The following BOD1L1 variants were observed in gnomAD, a reference collection of about 807,000 sequenced individuals.
The protein encoded by BOD1L1 is biorientation of chromosomes in cell division protein 1-like 1.
BOD1L1 carries 86 observed loss-of-function variants against 240.7 expected under a neutral mutation model. That is an observed-to-expected ratio of 0.36 (90% confidence interval 0.30 to 0.43). The LOEUF (loss-of-function observed/expected upper bound fraction) is 0.43. Among genes scored for constraint, BOD1L1 ranks in the 20% least tolerant of loss-of-function variants. The probability of loss-of-function intolerance (pLI) is 1.00; values close to 1 mark genes in which losing one functional copy is unlikely to be tolerated. For missense variants in BOD1L1, 3,554 were observed against 3,643.5 expected (o/e 0.98, Z 0.63); for synonymous variants, 1,268 against 1,272.3 (o/e 1.00, Z 0.07).
At position 13,599,819 on chromosome 4, in the gene BOD1L1, C is replaced by CGTG; in HGVS notation, c.7080_7081insCAC (p.Asn2360_Gly2361insHis). ...CTCACTTCTGTGGCTGACAGGTCAC[C>CGTG]GTTCCCTTCTGGGTTGTCTGCAGTC... On this transcript the variant is annotated inframe_insertion, in exon 10 of 26. Transcript: ENST00000040738. The CGTG allele has an allele frequency of 6.2e-7, 1 of 1,613,968 alleles. No individual in the cohort carries two copies. Among genetic ancestry groups the CGTG allele is most frequent in the Non-Finnish European group, 8.5e-7 (1 of 1,179,882 alleles).
At chr4:13,598,052 C>T in intron 10 of BOD1L1, among the ~76,000 whole-genome samples, 1 of 152,206 alleles carries the variant, frequency 6.6e-6, no homozygotes, top group South Asian at 2.1e-4. Flanking sequence ...GTTCCTACAG[C>T]ATCCTGTGCT....
Position 13,582,227 on chromosome 4 carries a change from C to A in BOD1L1, c.8592+10G>T, listed in dbSNP as rs1296061440. ...ATTGTGAACAAACAAATACGAAAAG[C>A]ACATCTCACCTCCTGAGATTTTATG... On this transcript the variant is annotated intron_variant, in intron 19 of 25. Transcript: ENST00000040738. The A allele has an allele frequency of 2.5e-6, 4 of 1,603,812 alleles. No homozygotes were observed. The highest frequency in any genetic ancestry group is 1.7e-4 in the Middle Eastern group (1 of 6,024).
At chr4:13,617,555 T>C (rs1716711035) in intron 2 of BOD1L1, among the ~76,000 whole-genome samples, 1 of 152,222 alleles carries the variant, frequency 6.6e-6, no homozygotes, top group Non-Finnish European at 1.5e-5. Context: ...TTTTTCTGGT[T>C]AAAGTTACTT....
Position 13,599,199 on chromosome 4 carries a change from G to T in BOD1L1, c.7701C>A (p.Thr2567=). ...QGSEDNLKTS[T]TKCITGQESK... ...ATTCTTGGCCAGTAATACATTTGGT[G>T]GTACTGGTTTTCAAGTTGTCTTCAG... The change falls in exon 10 of 26, where the codon ACC becomes ACA. Residue 2567 remains threonine, a synonymous_variant. Coordinates refer to ENST00000040738, the MANE Select transcript of BOD1L1 (RefSeq NM_148894.3). 1.9e-6 allele frequency: 3 copies of T among 1,613,928 alleles called. No homozygotes were observed. The highest frequency in any genetic ancestry group is 1.6e-4 in the Middle Eastern group (1 of 6,062).
intron 8 of BOD1L1, among the ~76,000 whole-genome samples, chr4:13,607,707 TAA>T (rs1715825522): frequency 6.6e-6 from 1 of 152,178 alleles, no homozygotes; most frequent in Non-Finnish European, 1.5e-5. Context: ...AACATAGCAT[TAA>T]CTGTTCTTGG....
intron 9 of BOD1L1, among the ~76,000 whole-genome samples, chr4:13,606,615 A>G (rs1052704912): frequency 6.6e-6 from 1 of 152,212 alleles, no homozygotes; most frequent in African/African-American, 2.4e-5. Flanking sequence ...GGACATGCTT[A>G]AATAAATTAT....
rs1391126839 is a variant in BOD1L1 at position 13,599,746 on chromosome 4, C to T, written c.7154G>A (p.Arg2385Gln). ...MPSLIAENNC[R>Q]CPGPVRGGKE... Reference sequence around the variant, plus strand: ...GCCTCCCCTGACTGGCCCAGGACACCGACAGTTATTCTCAGCAATTAGGCT... The same window carrying T: ...GCCTCCCCTGACTGGCCCAGGACACTGACAGTTATTCTCAGCAATTAGGCT... Residue 2385 changes from arginine to glutamine, a missense_variant, in exon 10 of 26, where the codon CGG becomes CAG. Coordinates refer to ENST00000040738, the MANE Select transcript of BOD1L1 (RefSeq NM_148894.3). 4 of 1,613,832 alleles carry T rather than the reference C, an allele frequency of 2.5e-6. No individual in the cohort carries two copies. Among genetic ancestry groups the T allele is most frequent in the South Asian group, 2.2e-5 (2 of 91,080 alleles).
rs1209423963 is a variant in BOD1L1 at position 13,613,363 on chromosome 4, T to C, written c.1324+149A>G. On this transcript the variant is annotated intron_variant, in intron 5 of 25. Coordinates refer to ENST00000040738, the MANE Select transcript of BOD1L1 (RefSeq NM_148894.3). This position sits in a 1 kb window ranked among gnomAD's most constrained non-coding sequence, Gnocchi z 4.0. ...CCAAGCTTGCTCAGACAGACAACTT[T>C]GGAGCTGGGACTCAGAAACAAATCT... The C allele has an allele frequency of 3.2e-5, 22 of 682,542 alleles. No individual in the cohort carries two copies. In the South Asian group the frequency reaches 7.2e-4, roughly 22 times the overall value. The allele number at this position is 682,542 out of a possible 1,614,324, so 42.3% of individuals were successfully genotyped here.
At chr4:13,592,186 G>T (rs1714271263) in intron 12 of BOD1L1, 1 of 486,044 alleles carries the variant, frequency 2.1e-6, no homozygotes, top group South Asian at 3.4e-5. Context: ...AATTAATGTT[G>T]CCTGCATTTT....
At position 13,604,538 on chromosome 4, in the gene BOD1L1, C is replaced by G. The variant is rs139078740; in HGVS notation, c.2362G>C (p.Glu788Gln). Residue 788 changes from glutamate to glutamine, a missense_variant, in exon 10 of 26, where the codon GAA becomes CAA. By Grantham distance (29) the Glu-to-Gln change is conservative (BLOSUM62 2). Coordinates refer to ENST00000040738, the MANE Select transcript of BOD1L1 (RefSeq NM_148894.3). ...TCATTCCTATGTTTACTTTTTCGTTCGGTTTTATCATCTGAAGAAAGCTTT... is the reference window on the plus strand; with the variant it reads ...TCATTCCTATGTTTACTTTTTCGTTGGGTTTTATCATCTGAAGAAAGCTTT... ...QTKLSSDDKT[E>Q]RKSKHRNERK... is the part of the protein sequence containing the mutation. The G allele has an allele frequency of 2.0e-6, 3 of 1,536,046 alleles. No homozygotes were observed. Among genetic ancestry groups the G allele is most frequent in the Non-Finnish European group, 2.6e-6 (3 of 1,149,888 alleles).
Position 13,590,451 on chromosome 4 carries a change from A to C in BOD1L1, c.8149-5T>G. 1 of 1,431,194 alleles carries C rather than the reference A, an allele frequency of 7.0e-7. No individual in the cohort carries two copies. Among genetic ancestry groups the C allele is most frequent in the Non-Finnish European group, 9.6e-7 (1 of 1,039,086 alleles). The allele number at this position is 1,431,194 out of a possible 1,614,324, so 88.7% of individuals were successfully genotyped here. A position where few individuals can be genotyped will look rare whatever the true frequency, so the allele number is the denominator to read the frequency against. ...TCTGAAGCCTGAATTTTCAACCTAAATATACAATATAAAAGATATTTATGG... is the reference window on the plus strand; with the variant it reads ...TCTGAAGCCTGAATTTTCAACCTAACTATACAATATAAAAGATATTTATGG... On this transcript the variant is annotated splice_polypyrimidine_tract_variant and splice_region_variant and intron_variant, in intron 13 of 25. Transcript: ENST00000040738.
intron 1 of BOD1L1, among the ~76,000 whole-genome samples, chr4:13,626,858 C>T (rs1419202457): frequency 3.3e-5 from 5 of 152,212 alleles, no homozygotes; most frequent in Non-Finnish European, 7.3e-5. Context: ...AAAGTCCTGT[C>T]TCAGGTTTGC....
At chr4:13,584,782 C>T (rs963080402) in intron 17 of BOD1L1, among the ~76,000 whole-genome samples, 7 of 152,078 alleles carry the variant, frequency 4.6e-5, no homozygotes, top group Admixed American at 4.6e-4. Context: ...TTTGGTCTTA[C>T]TATACACATT....
intron 17 of BOD1L1, among the ~76,000 whole-genome samples, chr4:13,584,300 ACT>A (rs1713471937): frequency 6.6e-6 from 1 of 152,044 alleles, no homozygotes; most frequent in African/African-American, 2.4e-5. Context: ...TCACTGAGAC[ACT>A]CATGCTGCAC....
chr4:13,621,834 T>A (rs374058867), intron 1 of BOD1L1, among the ~76,000 whole-genome samples: 1 of 151,936 alleles, frequency 6.6e-6, no homozygotes, highest in African/African-American at 2.4e-5. Context: ...GCCTGTCCAT[T>A]TATCCAAAAT....
intron 13 of BOD1L1, among the ~76,000 whole-genome samples, chr4:13,590,684 A>G (rs1407877520): frequency 2.0e-5 from 3 of 152,224 alleles, no homozygotes; most frequent in Admixed American, 6.5e-5. Context: ...AAAGCAGCCA[A>G]TGGCAAAAGA....
At chr4:13,615,267 CAAG>C in intron 3 of BOD1L1, 42 bp downstream of exon 3, 1 of 1,486,214 alleles carries the variant, frequency 6.7e-7, no homozygotes, top group South Asian at 1.4e-5. Context: ...ATATTCAGTT[CAAG>C]AAGAAAAACA....
chr4:13,608,887 C>G (rs368224115), intron 7 of BOD1L1, among the ~76,000 whole-genome samples: 1 of 152,088 alleles, frequency 6.6e-6, no homozygotes, highest in Non-Finnish European at 1.5e-5. Context: ...TCATATATTA[C>G]ATAGGATTAG....
intron 22 of BOD1L1, 82 bp from the exon 23 acceptor site, chr4:13,577,713 A>T: frequency 1.0e-6 from 1 of 1,004,568 alleles, no homozygotes; most frequent in Non-Finnish European, 1.5e-6. Context: ...TTGTCTGTCA[A>T]TGTATCAGTA....
Sources: allele counts gnomAD v4.1 joint callset (sites outside exome capture counted in the v4.1 genomes callset), GRCh38; gene constraint gnomAD v4.1.1; non-coding constraint Gnocchi (gnomAD v3.1); transcripts MANE v1.5; gene names NCBI Gene and HGNC (gene_info 2026-07-23, HGNC 2026-07-21).